The following GALNT13 variants were observed in gnomAD, a reference collection of about 807,000 sequenced individuals.
The protein encoded by GALNT13 is UDP-GalNAc:polypeptide N-acetylgalactosaminyltransferase 13.
In GALNT13, 28 loss-of-function variants were observed where a neutral mutation model predicts 64.2. The ratio of observed to expected loss-of-function variants is 0.44; its 90% CI spans 0.32 to 0.60. The LOEUF is 0.60. Ranked by LOEUF, GALNT13 falls within the 20% of genes least tolerant of loss-of-function variation. The pLI, the probability that GALNT13 is intolerant of heterozygous loss-of-function variation, is 0.05. For synonymous variants in GALNT13, 214 were observed against 224.6 expected (o/e 0.95, Z 0.42); for missense variants, 577 against 669.8 (o/e 0.86, Z 1.53).
chr2:154,252,905 G>C (rs1182043297), intron 7 of GALNT13, among the ~76,000 whole-genome samples: 2 of 152,070 alleles, frequency 1.3e-5, no homozygotes, highest in African/African-American at 4.8e-5. Context: ...TAAACACATT[G>C]CAACTAAATT....
At chr2:153,734,175 A>G in the GALNT13 span, among the ~76,000 whole-genome samples, 1 of 152,094 alleles carries the variant, frequency 6.6e-6, no homozygotes, top group African/African-American at 2.4e-5. Context: ...CTTGTTTTTC[A>G]TGTTGCACTT....
At chr2:153,836,256 C>T in the GALNT13 span, among the ~76,000 whole-genome samples, 23 of 152,006 alleles carry the variant, frequency 1.5e-4, no homozygotes, top group African/African-American at 5.1e-4. Flanking sequence ...TTTTGATATA[C>T]CTATATATTG....
chr2:154,248,035 AT>A (rs982703296), intron 7 of GALNT13, among the ~76,000 whole-genome samples: 11 of 152,192 alleles, frequency 7.2e-5, no homozygotes, highest in South Asian at 4.1e-4. Flanking sequence ...GTTGAAGACA[AT>A]TTTTTTCCTA....
the GALNT13 span, among the ~76,000 whole-genome samples, chr2:153,576,913 TTA>T: frequency 6.6e-6 from 1 of 152,220 alleles, no homozygotes; most frequent in Non-Finnish European, 1.5e-5. Context: ...TTAGTGTTTT[TTA>T]TATCTTGTTT....
the GALNT13 span, among the ~76,000 whole-genome samples, chr2:153,440,754 G>C: frequency 2.0e-5 from 3 of 152,002 alleles, no homozygotes; most frequent in African/African-American, 7.2e-5. Flanking sequence ...GTCTTCTTTT[G>C]ACAAGTGTCT....
the GALNT13 span, among the ~76,000 whole-genome samples, chr2:153,145,230 G>A: frequency 6.6e-6 from 1 of 151,816 alleles, no homozygotes; most frequent in Non-Finnish European, 1.5e-5. Context: ...TTGAAAGGTA[G>A]GATGCAATAG....
chr2:153,717,533 G>C, the GALNT13 span, among the ~76,000 whole-genome samples: 2 of 152,168 alleles, frequency 1.3e-5, no homozygotes, highest in Non-Finnish European at 2.9e-5. Flanking sequence ...GTATTATGTA[G>C]AGGATGAACA....
the GALNT13 span, among the ~76,000 whole-genome samples, chr2:153,828,246 C>T: frequency 6.6e-6 from 1 of 152,208 alleles, no homozygotes; most frequent in Non-Finnish European, 1.5e-5. Flanking sequence ...CCCACTGTGC[C>T]CCATAGGGAC....
the GALNT13 span, among the ~76,000 whole-genome samples, chr2:153,585,303 C>T: frequency 1.3e-5 from 2 of 148,168 alleles, no homozygotes; most frequent in Non-Finnish European, 2.9e-5. Flanking sequence ...AAAGCCTCAA[C>T]AACGGATTTG....
At chr2:153,832,463 G>A in the GALNT13 span, among the ~76,000 whole-genome samples, 1 of 152,134 alleles carries the variant, frequency 6.6e-6, no homozygotes. Context: ...GTATGTAGTT[G>A]TAAAAGATCT....
At chr2:153,713,250 C>T in the GALNT13 span, among the ~76,000 whole-genome samples, 1 of 152,024 alleles carries the variant, frequency 6.6e-6, no homozygotes, top group African/African-American at 2.4e-5. Flanking sequence ...TAACACTTCC[C>T]TTTGTATGAA....
At chr2:153,461,137 C>T in the GALNT13 span, among the ~76,000 whole-genome samples, 1 of 152,044 alleles carries the variant, frequency 6.6e-6, no homozygotes, top group Non-Finnish European at 1.5e-5. Flanking sequence ...CTTAATCCTT[C>T]CTTTAAACAG....
the GALNT13 span, among the ~76,000 whole-genome samples, chr2:153,680,323 G>A: frequency 2.6e-5 from 4 of 151,522 alleles, no homozygotes; most frequent in Non-Finnish European, 4.4e-5. Flanking sequence ...AAATGAGTCT[G>A]TTTCTACTAC....
chr2:154,247,551 A>C (rs539017913), intron 7 of GALNT13, among the ~76,000 whole-genome samples: 1 of 152,174 alleles, frequency 6.6e-6, no homozygotes, highest in Non-Finnish European at 1.5e-5. Flanking sequence ...CACAGAGTCA[A>C]ACGGAAGATA....
At chr2:154,129,134 T>G (rs763968820) in intron 3 of GALNT13, among the ~76,000 whole-genome samples, 33 of 152,196 alleles carry the variant, frequency 2.2e-4, no homozygotes, top group Non-Finnish European at 1.8e-4. Flanking sequence ...ATTGTACTTT[T>G]AGGATTCCAC....
the GALNT13 span, among the ~76,000 whole-genome samples, chr2:153,505,643 C>CTA: frequency 0.026 from 3,900 of 151,366 alleles, 159 homozygotes; most frequent in African/African-American, 0.088. Flanking sequence ...TACTTAATTT[C>CTA]TATATATATA....
the GALNT13 span, among the ~76,000 whole-genome samples, chr2:153,861,726 A>C: frequency 0.82 from 124,727 of 151,712 alleles, 52,497 homozygotes; most frequent in Non-Finnish European, 0.9. Context: ...GCCACCATGC[A>C]CAGCTAATTT....
the GALNT13 span, among the ~76,000 whole-genome samples, chr2:153,385,867 G>GATAAA: frequency 0.81 from 122,813 of 150,842 alleles, 50,909 homozygotes; most frequent in African/African-American, 0.89. Context: ...AAAAATTAAA[G>GATAAA]ATAAAATAAA....
chr2:153,462,350 T>C, the GALNT13 span, among the ~76,000 whole-genome samples: 2 of 152,234 alleles, frequency 1.3e-5, no homozygotes, highest in East Asian at 1.9e-4. Flanking sequence ...TCAAGTAAAA[T>C]AGATGAAGGC....
Sources: gnomAD v4.1 joint callset for allele counts (sites outside exome capture counted in the v4.1 genomes callset) on GRCh38, gnomAD v4.1.1 for gene constraint, MANE v1.5 for transcripts, NCBI Gene and HGNC (gene_info 2026-07-23, HGNC 2026-07-21) for gene names.